The following CDK19 variants were observed in gnomAD, a reference collection of about 807,000 sequenced individuals.
CDK19 encodes cyclin-dependent kinase 19.
Under a neutral mutation model 68.3 loss-of-function variants are expected in CDK19, and 20 were observed. The ratio of observed to expected loss-of-function variants is 0.29; its 90% CI spans 0.21 to 0.43. CDK19 has a LOEUF of 0.43. CDK19 is among the 20% of genes least tolerant of loss of function. CDK19 has a pLI of 1.00. For synonymous variants in CDK19, 221 were observed against 222.8 expected (o/e 0.99, Z 0.07); for missense variants, 339 against 623.5 (o/e 0.54, Z 4.86).
intron 4 of CDK19, among the ~76,000 whole-genome samples, chr6:110,656,973 C>T (rs1003369938): frequency 1.2e-4 from 19 of 152,164 alleles, no homozygotes; most frequent in Non-Finnish European, 2.4e-4. Context: ...AGAGAAGCAA[C>T]ACTGGTAGAG....
chr6:110,670,845 A>C (rs1297565414), intron 2 of CDK19: 6 of 465,622 alleles, frequency 1.3e-5, no homozygotes, highest in Non-Finnish European at 2.5e-5. Context: ...AAATGGTAAA[A>C]TGTAAAACAG....
At chr6:110,762,205 C>T (rs1418842810) in intron 1 of CDK19, among the ~76,000 whole-genome samples, 1 of 152,200 alleles carries the variant, frequency 6.6e-6, no homozygotes, top group Non-Finnish European at 1.5e-5. Context: ...TTTACTGCCA[C>T]AGTAGAAATT....
In CDK19 at chr6:110,670,554, GAA is replaced by G; in HGVS notation, c.205-15_205-14del. 6.9e-7 allele frequency: 1 copy of G among 1,439,058 alleles called. No individual in the cohort carries two copies. Among genetic ancestry groups the G allele is most frequent in the South Asian group, 1.1e-5 (1 of 87,454 alleles). The allele number at this position is 1,439,058 out of a possible 1,614,324, so 89.1% of individuals were successfully genotyped here. A position where few individuals can be genotyped will look rare whatever the true frequency, so the allele number is the denominator to read the frequency against. The stretch of plus-strand genomic sequence containing the variant: ...ATTCTCGCAAAAGCTGAATGCAAAA[GAA>G]AGAGAGGGGTCACTGTTGTGTTAGC... On this transcript the variant is annotated splice_polypyrimidine_tract_variant and intron_variant, in intron 2 of 12. Transcript: ENST00000368911.
chr6:110,663,873 G>C (rs938081513), intron 4 of CDK19, among the ~76,000 whole-genome samples: 4 of 152,162 alleles, frequency 2.6e-5, no homozygotes, highest in African/African-American at 9.7e-5. Context: ...CACTTGAGGA[G>C]TTGGAGGCAT....
chr6:110,747,182 T>C (rs1030648600), intron 1 of CDK19, among the ~76,000 whole-genome samples: 1 of 152,192 alleles, frequency 6.6e-6, no homozygotes, highest in Admixed American at 6.5e-5. Context: ...GTCTTAGCTA[T>C]TCCTCATTTT....
chr6:110,680,757 G>A (rs1261546017), intron 2 of CDK19, among the ~76,000 whole-genome samples: 3 of 152,168 alleles, frequency 2.0e-5, no homozygotes, highest in Non-Finnish European at 4.4e-5. Context: ...AGCACTTTGG[G>A]AGGCCGAGGT....
intron 1 of CDK19, among the ~76,000 whole-genome samples, chr6:110,767,112 G>A (rs1035694840): frequency 1.3e-5 from 2 of 151,548 alleles, no homozygotes; most frequent in South Asian, 2.1e-4. Flanking sequence ...CAGCCTGGGC[G>A]ACAGAGTGAG....
rs1778129635 is a variant in CDK19, at chr6:110,613,449, A to G, written c.*1086T>C. 6.6e-6 allele frequency: 1 copy of G among 152,642 alleles called. No homozygotes were observed. The highest frequency in any genetic ancestry group is 1.5e-5 in the Non-Finnish European group (1 of 68,038). The allele number at this position is 152,642 out of a possible 1,614,324, so 9.5% of individuals were successfully genotyped here. ...AAATAGTCACTCTATATCTAATACA[A>G]ATACGAATGGAGAACACTGCTCTTT... On this transcript the variant is annotated 3_prime_UTR_variant, in exon 13 of 13. Coordinates refer to ENST00000368911, the MANE Select transcript of CDK19 (RefSeq NM_015076.5).
intron 1 of CDK19, among the ~76,000 whole-genome samples, chr6:110,790,633 C>T (rs73530429): frequency 6.6e-6 from 1 of 151,940 alleles, no homozygotes; most frequent in African/African-American, 2.4e-5. Context: ...TCCACAGATT[C>T]ACTTTGAAAT....
In CDK19 at chr6:110,803,172, C is replaced by A. The variant is rs374347432; in HGVS notation, c.128+11837G>T. Among the ~76,000 whole-genome samples the A allele has an allele frequency of 2.6e-5, 4 of 152,110 alleles. No individual in the cohort carries two copies. In the East Asian group the frequency reaches 7.7e-4, roughly 29 times the overall value. ...TCGGCTCACTGCAACCTCCGCCTCC[C>A]AGGTTCACGCCATTCTCCTGCCTCA... On this transcript the variant is annotated intron_variant, in intron 1 of 12. Coordinates refer to ENST00000368911, the MANE Select transcript of CDK19 (RefSeq NM_015076.5).
chr6:110,752,829 AG>A (rs1320470529), intron 1 of CDK19, among the ~76,000 whole-genome samples: 1 of 152,094 alleles, frequency 6.6e-6, no homozygotes, highest in Non-Finnish European at 1.5e-5. Flanking sequence ...GGCCTCCCAA[AG>A]TACTGGAATT....
chr6:110,646,895 T>C (rs565716265), intron 4 of CDK19, among the ~76,000 whole-genome samples: 37 of 152,032 alleles, frequency 2.4e-4, no homozygotes, highest in African/African-American at 8.7e-4. Context: ...ACTGCTGTAA[T>C]TGCTGCCTCG....
At chr6:110,644,200 G>A (rs569176941) in intron 4 of CDK19, among the ~76,000 whole-genome samples, 7 of 151,950 alleles carry the variant, frequency 4.6e-5, no homozygotes, top group Non-Finnish European at 8.8e-5. Context: ...GCTGAGGCAG[G>A]AGAATTGCTT....
chr6:110,707,840 C>T (rs868866353), intron 2 of CDK19, among the ~76,000 whole-genome samples: 30 of 152,116 alleles, frequency 2.0e-4, no homozygotes, highest in African/African-American at 7.2e-4. Context: ...GACATGGTGG[C>T]AGGCACCTGT....
At chr6:110,646,541 G>A (rs1013262265) in intron 4 of CDK19, 2 of 1,227,368 alleles carry the variant, frequency 1.6e-6, no homozygotes, top group Non-Finnish European at 2.2e-6. Context: ...CCTGCAACAG[G>A]TGCTTAAGTC....
chr6:110,674,055 T>A (rs1771255623), intron 2 of CDK19, among the ~76,000 whole-genome samples: 1 of 152,244 alleles, frequency 6.6e-6, no homozygotes, highest in Non-Finnish European at 1.5e-5. Flanking sequence ...TGTGTCACAT[T>A]TTGGTAATTC....
intron 4 of CDK19, among the ~76,000 whole-genome samples, chr6:110,638,982 C>G (rs146209076): frequency 6.6e-6 from 1 of 152,188 alleles, no homozygotes; most frequent in African/African-American, 2.4e-5. Context: ...TAAATAGATT[C>G]ATCCCGCAGA....
chr6:110,659,831 A>G (rs1781509366), intron 4 of CDK19, among the ~76,000 whole-genome samples: 1 of 152,202 alleles, frequency 6.6e-6, no homozygotes, highest in Non-Finnish European at 1.5e-5. Flanking sequence ...AGTACATTAT[A>G]ACTATTTTTT....
intron 4 of CDK19, among the ~76,000 whole-genome samples, chr6:110,645,276 A>G (rs1780478215): frequency 6.6e-6 from 1 of 152,160 alleles, no homozygotes; most frequent in Non-Finnish European, 1.5e-5. Flanking sequence ...TACAATTAAA[A>G]CTCTACATAT....
Sources: gnomAD v4.1 joint callset for allele counts (sites outside exome capture counted in the v4.1 genomes callset) on GRCh38, gnomAD v4.1.1 for gene constraint, MANE v1.5 for transcripts, NCBI Gene and HGNC (gene_info 2026-07-23, HGNC 2026-07-21) for gene names.